KCTD8: variants seen among roughly 807,000 people sequenced by gnomAD.
The protein encoded by KCTD8 is BTB/POZ domain-containing protein KCTD8.
Under a neutral mutation model 31.5 loss-of-function variants are expected in KCTD8, and 27 were observed. The ratio of observed to expected loss-of-function variants is 0.86; its 90% CI spans 0.63 to 1.18. KCTD8 has a LOEUF of 1.18. KCTD8 is among the 50% of genes most tolerant of loss of function. KCTD8 has a pLI of 0.00. For synonymous variants in KCTD8, 290 were observed against 280.0 expected (o/e 1.04, Z -0.36); for missense variants, 658 against 647.7 (o/e 1.02, Z -0.17).
chr4:44,441,970 G>A (rs1008618945), intron 1 of KCTD8, among the ~76,000 whole-genome samples: 5 of 151,970 alleles, frequency 3.3e-5, no homozygotes, highest in Non-Finnish European at 7.4e-5. Flanking sequence ...TTAATGTCAT[G>A]GGGGAAATTT....
chr4:44,205,213 A>G (rs541205378), intron 1 of KCTD8, among the ~76,000 whole-genome samples: 4 of 152,330 alleles, frequency 2.6e-5, no homozygotes, highest in African/African-American at 9.6e-5. Context: ...ATAATTTACA[A>G]TATTTTGAAA....
At chr4:44,251,275 T>G (rs1715823676) in intron 1 of KCTD8, among the ~76,000 whole-genome samples, 1 of 151,688 alleles carries the variant, frequency 6.6e-6, no homozygotes, top group African/African-American at 2.4e-5. Context: ...TTCTCTTATA[T>G]TCATAAAAAT....
At position 44,225,623 on chromosome 4, in the gene KCTD8, C is replaced by T. The variant is rs573728965; in HGVS notation, c.962-50373G>A. Reference sequence around the variant, plus strand: ...TCACTTACAATACCCTTTGTATCCACGATGGTGATGATTAAAAAAAATAAC... The same window carrying T: ...TCACTTACAATACCCTTTGTATCCATGATGGTGATGATTAAAAAAAATAAC... On this transcript the variant is annotated intron_variant, in intron 1 of 1. Transcript: ENST00000360029. 2.0e-5 allele frequency among the ~76,000 whole-genome samples: 3 copies of T among 151,744 alleles called. No homozygotes were observed. In the South Asian group the frequency reaches 6.2e-4, roughly 32 times the overall value.
chr4:44,382,291 A>G (rs1406732396), intron 1 of KCTD8, among the ~76,000 whole-genome samples: 1 of 152,094 alleles, frequency 6.6e-6, no homozygotes, highest in East Asian at 1.9e-4. Context: ...ACATTTGAAA[A>G]AAATTAACAC....
intron 1 of KCTD8, among the ~76,000 whole-genome samples, chr4:44,406,740 A>G (rs546501677): frequency 3.3e-5 from 5 of 152,324 alleles, no homozygotes; most frequent in South Asian, 2.1e-4. Flanking sequence ...AAAATTAGAT[A>G]AAGTTGAAAT....
At position 44,447,645 on chromosome 4, in the gene KCTD8, A is replaced by G; in HGVS notation, c.879T>C (p.Cys293=). 1 of 1,610,462 alleles carries G rather than the reference A, an allele frequency of 6.2e-7. No individual in the cohort carries two copies. Residue 293 remains cysteine, a synonymous_variant, in exon 1 of 2, where the codon TGT becomes TGC. Transcript: ENST00000360029. ...CGAAGGCGGCGGTGCCCGAGGAGTT[A>G]CACGCCACCATGTGGAAGCCGGCCT... ...LSEAGFHMVA[C]NSSGTAAFVN... is the part of the protein sequence containing the mutation.
intron 1 of KCTD8, among the ~76,000 whole-genome samples, chr4:44,291,959 TG>T (rs1469932337): frequency 1.3e-5 from 1 of 76,452 alleles, no homozygotes; most frequent in Non-Finnish European, 2.4e-5. Flanking sequence ...TTGGCTATTA[TG>T]AAAAAAAAAA....
intron 1 of KCTD8, among the ~76,000 whole-genome samples, chr4:44,178,408 C>A (rs1053518706): frequency 3.3e-5 from 5 of 151,998 alleles, no homozygotes; most frequent in African/African-American, 1.2e-4. Context: ...ACCTTTATGG[C>A]TGAATGTGAT....
intron 1 of KCTD8, among the ~76,000 whole-genome samples, chr4:44,360,574 A>G (rs1213739386): frequency 6.6e-6 from 1 of 152,080 alleles, no homozygotes; most frequent in African/African-American, 2.4e-5. Context: ...TTCTTATTAA[A>G]TGAACAGAGA....
At chr4:44,272,995 C>T (rs1461287266) in intron 1 of KCTD8, among the ~76,000 whole-genome samples, 2 of 152,002 alleles carry the variant, frequency 1.3e-5, no homozygotes, top group Non-Finnish European at 2.9e-5. Context: ...AGTCACATCA[C>T]ATATCAGCAA....
chr4:44,354,206 A>C (rs1298877469), intron 1 of KCTD8, among the ~76,000 whole-genome samples: 2 of 152,042 alleles, frequency 1.3e-5, no homozygotes, highest in Admixed American at 1.3e-4. Flanking sequence ...AACATATTTA[A>C]GTTCATTTGT....
intron 1 of KCTD8, among the ~76,000 whole-genome samples, chr4:44,415,847 C>A (rs73177498): frequency 0.052 from 7,913 of 152,270 alleles, 689 homozygotes; most frequent in African/African-American, 0.18. Flanking sequence ...AAGACTGTAC[C>A]AGGGCAATGT....
intron 1 of KCTD8, among the ~76,000 whole-genome samples, chr4:44,184,940 T>C (rs994789152): frequency 3.3e-5 from 5 of 152,220 alleles, no homozygotes; most frequent in Admixed American, 3.3e-4. Context: ...GGCTGATTTG[T>C]ATTATCACTG....
intron 1 of KCTD8, among the ~76,000 whole-genome samples, chr4:44,312,652 C>A (rs1717989535): frequency 6.6e-6 from 1 of 152,066 alleles, no homozygotes; most frequent in Non-Finnish European, 1.5e-5. Context: ...CTTTTAATAC[C>A]AAAGTTTGAT....
chr4:44,329,802 T>C (rs1337796986), intron 1 of KCTD8, among the ~76,000 whole-genome samples: 1 of 151,990 alleles, frequency 6.6e-6, no homozygotes, highest in Admixed American at 6.6e-5. Context: ...ATTCTTGAGA[T>C]ACAAATAATT....
intron 1 of KCTD8, among the ~76,000 whole-genome samples, chr4:44,299,834 C>T (rs940606491): frequency 6.8e-6 from 1 of 147,306 alleles, no homozygotes; most frequent in Non-Finnish European, 1.5e-5. Flanking sequence ...CTCACTGCAA[C>T]CTCCGTCTCC....
At chr4:44,329,594 T>A (rs936940410) in intron 1 of KCTD8, among the ~76,000 whole-genome samples, 2 of 151,958 alleles carry the variant, frequency 1.3e-5, no homozygotes, top group African/African-American at 4.8e-5. Flanking sequence ...ATTCTCACAT[T>A]CTTGATCTTA....
intron 1 of KCTD8, among the ~76,000 whole-genome samples, chr4:44,404,242 T>A (rs191917204): frequency 9.0e-4 from 137 of 152,364 alleles, no homozygotes; most frequent in African/African-American, 3.2e-3. Flanking sequence ...GCTTTTTAAG[T>A]TCAAGAAATT....
intron 1 of KCTD8, among the ~76,000 whole-genome samples, chr4:44,247,908 T>C (rs1715713900): frequency 6.6e-6 from 1 of 151,896 alleles, no homozygotes. Context: ...AATGCTGCAA[T>C]GAATATGACA....
Sources: gnomAD v4.1 joint callset for allele counts (sites outside exome capture counted in the v4.1 genomes callset) on GRCh38, gnomAD v4.1.1 for gene constraint, MANE v1.5 for transcripts, NCBI Gene and HGNC (gene_info 2026-07-23, HGNC 2026-07-21) for gene names.